The following COL11A1 variants were observed in gnomAD, a reference collection of about 807,000 sequenced individuals.
COL11A1 encodes collagen type XI alpha 1 chain.
COL11A1 carries 74 observed loss-of-function variants against 265.2 expected under a neutral mutation model. The ratio of observed to expected loss-of-function variants is 0.28; its 90% confidence interval spans 0.23 to 0.34. The LOEUF (loss-of-function observed/expected upper bound fraction) is 0.34. Among genes scored for constraint, COL11A1 ranks in the 10% least tolerant of loss-of-function variants. COL11A1 has a pLI of 1.00. For synonymous variants in COL11A1, 816 were observed against 727.6 expected, an observed-to-expected ratio of 1.12 and a Z score of -1.96; for missense variants, 2,165 against 2,263.6, an observed-to-expected ratio of 0.96 and a Z score of 0.88.
intron 46 of COL11A1, among the ~76,000 whole-genome samples, chr1:102,923,896 C>T (rs886677530): frequency 6.6e-6 from 1 of 151,730 alleles, no homozygotes; most frequent in African/African-American, 2.4e-5. Context: ...CCCATGAAAC[C>T]TACTATATTA....
At chr1:102,987,155 A>T (rs1216833433) in intron 30 of COL11A1, among the ~76,000 whole-genome samples, 4 of 152,044 alleles carry the variant, frequency 2.6e-5, no homozygotes, top group Non-Finnish European at 4.4e-5. Context: ...AATAAGGAGA[A>T]GTGACAAAAG....
In COL11A1 at chr1:102,939,115, T is replaced by G. The variant is rs1038572155; in HGVS notation, c.3385-27A>C. ...TGAAATTGAAAGATTTGACTTAGAG[T>G]TTATCTCTAACATGCTATTGCATTG... On this transcript the variant is annotated intron_variant, in intron 43 of 66. Transcript: ENST00000370096. 3.1e-6 allele frequency: 5 copies of G among 1,594,018 alleles called. No homozygotes were observed. The African/African-American group carries it at 6.7e-5, about 21-fold the overall frequency.
chr1:102,901,061 T>C (rs1301919268), intron 54 of COL11A1, among the ~76,000 whole-genome samples: 1 of 152,116 alleles, frequency 6.6e-6, no homozygotes, highest in African/African-American at 2.4e-5. Context: ...AGTTCATTCC[T>C]GTAATCCCAG....
At chr1:103,084,610 A>G (rs980917139) in intron 1 of COL11A1, among the ~76,000 whole-genome samples, 2 of 144,962 alleles carry the variant, frequency 1.4e-5, no homozygotes, top group East Asian at 2.1e-4. Context: ...AAAAAAAAAA[A>G]CACTTTATCT....
chr1:102,885,028 C>G (rs1650787940), intron 63 of COL11A1, among the ~76,000 whole-genome samples: 2 of 152,094 alleles, frequency 1.3e-5, no homozygotes, highest in South Asian at 4.1e-4. Context: ...ACAACACAGG[C>G]CAGGGAGTAT....
intron 65 of COL11A1, among the ~76,000 whole-genome samples, chr1:102,880,849 G>A (rs1650147534): frequency 6.6e-6 from 1 of 151,726 alleles, no homozygotes; most frequent in South Asian, 2.1e-4. Context: ...AATCTACTGG[G>A]AAAATTCAAT....
intron 4 of COL11A1, among the ~76,000 whole-genome samples, chr1:103,048,572 G>T (rs1490262819): frequency 1.3e-5 from 2 of 151,948 alleles, no homozygotes; most frequent in Non-Finnish European, 1.5e-5. Flanking sequence ...CTGATTTTTT[G>T]AAGGGTTTTG....
intron 49 of COL11A1, among the ~76,000 whole-genome samples, chr1:102,917,823 A>C (rs12126635): frequency 0.092 from 13,892 of 151,692 alleles, 740 homozygotes; most frequent in Non-Finnish European, 0.12. Context: ...TTTAAAATAT[A>C]TTCTGCTTCA....
At chr1:103,052,815 T>A (rs543765905) in intron 4 of COL11A1, among the ~76,000 whole-genome samples, 1 of 152,286 alleles carries the variant, frequency 6.6e-6, no homozygotes, top group Non-Finnish European at 1.5e-5. Flanking sequence ...TTGGGATTGA[T>A]GTTGCTCCTG....
chr1:103,078,717 A>G lies in COL11A1; in HGVS notation c.429T>C (p.Thr143=), dbSNP rs777484544. 2 of 1,613,482 alleles carry G rather than the reference A, an allele frequency of 1.2e-6. No individual in the cohort carries two copies. Among genetic ancestry groups the G allele is most frequent in the Non-Finnish European group, 1.7e-6 (2 of 1,179,634 alleles). ...RSPVFLFEDH[T]GKPAPEDYPL... Reference sequence around the variant, plus strand: ...GATAGTCTTCTGGGGCAGGTTTTCCAGTGTGGTCTTCAAACAGAAAAACAG... The same window carrying G: ...GATAGTCTTCTGGGGCAGGTTTTCCGGTGTGGTCTTCAAACAGAAAAACAG... Residue 143 remains threonine (T), a synonymous_variant, in exon 3 of 67, where the codon ACT becomes ACC. Transcript: ENST00000370096.
chr1:102,960,302 T>G (rs1397027788), intron 41 of COL11A1, among the ~76,000 whole-genome samples: 1 of 152,144 alleles, frequency 6.6e-6, no homozygotes, highest in East Asian at 1.9e-4. Context: ...TAAAATTTAT[T>G]CCAATATTAG....
At chr1:103,015,786 T>C (rs779530735) in intron 11 of COL11A1, 44 bp from the exon 12 acceptor site, 1 of 1,285,320 alleles carries the variant, frequency 7.8e-7, no homozygotes, top group South Asian at 1.3e-5. Flanking sequence ...AATATCAAAA[T>C]AATATTTACT....
intron 4 of COL11A1, among the ~76,000 whole-genome samples, chr1:103,067,846 A>G (rs1212941123): frequency 6.6e-6 from 1 of 151,672 alleles, no homozygotes; most frequent in East Asian, 1.9e-4. Flanking sequence ...CCAACAACTT[A>G]GTTGAACTAG....
At chr1:102,888,100 C>T (rs1367402739) in intron 62 of COL11A1, among the ~76,000 whole-genome samples, 1 of 152,170 alleles carries the variant, frequency 6.6e-6, no homozygotes, top group African/African-American at 2.4e-5. Flanking sequence ...ACATTTCTTT[C>T]ACATGGACCT....
chr1:103,055,611 T>C (rs1670184534), intron 4 of COL11A1, among the ~76,000 whole-genome samples: 1 of 152,208 alleles, frequency 6.6e-6, no homozygotes, highest in Non-Finnish European at 1.5e-5. Flanking sequence ...GCAAGTACCA[T>C]GCTTATCTCT....
intron 4 of COL11A1, among the ~76,000 whole-genome samples, chr1:103,048,400 T>C (rs1461829812): frequency 3.3e-5 from 5 of 152,224 alleles, no homozygotes; most frequent in Non-Finnish European, 5.9e-5. Flanking sequence ...TAGAGGTGTT[T>C]ATAGTATTTT....
intron 49 of COL11A1, among the ~76,000 whole-genome samples, chr1:102,919,735 GA>G (rs199794096): frequency 6.7e-5 from 10 of 150,376 alleles, no homozygotes; most frequent in African/African-American, 1.7e-4. Flanking sequence ...ATGTTCACAA[GA>G]AAAAAAAAGC....
At position 103,003,264 on chromosome 1, in the gene COL11A1, G is replaced by C. The variant is rs199875795; in HGVS notation, c.1949C>G (p.Pro650Arg). 58 of 1,612,488 alleles carry C rather than the reference G, an allele frequency of 3.6e-5. No homozygotes were observed. Among genetic ancestry groups the C allele is most frequent in the Non-Finnish European group, 4.7e-5 (56 of 1,179,620 alleles). Reference sequence around the variant, plus strand: ...TCCCCTTGGACCCAGCAAACCTCGTGGGCCCTAGGAGAAAAAGAAAAAGCA... The same window carrying C: ...TCCCCTTGGACCCAGCAAACCTCGTCGGCCCTAGGAGAAAAAGAAAAAGCA... ...GPRGLPGEAG[P>R]RGLLGPRGTP... Residue 650 changes from proline to arginine, a missense_variant, in exon 21 of 67, where the codon CCA (proline) becomes CGA (arginine). Transcript: ENST00000370096.
At chr1:103,024,515 T>A (rs57843906) in intron 7 of COL11A1, among the ~76,000 whole-genome samples, 4,652 of 151,110 alleles carry the variant, frequency 0.031, 268 homozygotes, top group African/African-American at 0.11. Flanking sequence ...ATAACCGTAA[T>A]TTTTTTTGTA....
Sources: gnomAD v4.1 joint callset for allele counts (sites outside exome capture counted in the v4.1 genomes callset) on GRCh38, gnomAD v4.1.1 for gene constraint, MANE v1.5 for transcripts, NCBI Gene and HGNC (gene_info 2026-07-23, HGNC 2026-07-21) for gene names.